The following RTL4 variants were observed in gnomAD, a reference collection of about 807,000 sequenced individuals.
RTL4 encodes retrotransposon Gag like 4.
Under a neutral mutation model 5.3 loss-of-function variants are expected in RTL4, and 4 were observed. The observed-to-expected ratio is 0.75, with a 90% CI of 0.37 to 1.72. RTL4 has a LOEUF of 1.72. RTL4 is among the 40% of genes most tolerant of loss of function. The probability of loss-of-function intolerance (pLI) is 0.04; values close to 1 mark genes in which losing one functional copy is unlikely to be tolerated. For missense variants in RTL4, 260 were observed against 227.1 expected (o/e 1.14, Z -0.93); for synonymous variants, 98 against 87.3 (o/e 1.12, Z -0.68).
chrX:112,439,252 C>T, the RTL4 span, among the ~76,000 whole-genome samples: 1 of 111,538 alleles, frequency 9.0e-6, no homozygotes, highest in Non-Finnish European at 1.9e-5. Context: ...TCAATGGTGA[C>T]AGTAATGGCC....
chrX:112,161,470 C>T, the RTL4 span, among the ~76,000 whole-genome samples: 33 of 111,905 alleles, frequency 2.9e-4, no homozygotes, highest in Non-Finnish European at 3.9e-4. Context: ...TGGCCATCCT[C>T]CCTTCAAAAT....
the RTL4 span, among the ~76,000 whole-genome samples, chrX:112,258,393 G>T: frequency 9.0e-6 from 1 of 111,046 alleles, no homozygotes; most frequent in Non-Finnish European, 1.9e-5. Context: ...CTGGGAAAAT[G>T]AATATGTGGT....
the RTL4 span, among the ~76,000 whole-genome samples, chrX:112,262,771 A>T: frequency 3.6e-4 from 40 of 111,043 alleles, no homozygotes; most frequent in African/African-American, 6.2e-4. Flanking sequence ...ACTATTCACA[A>T]TAGCAAAGAC....
chrX:112,106,088 G>A, the RTL4 span, among the ~76,000 whole-genome samples: 1 of 111,813 alleles, frequency 8.9e-6, no homozygotes, highest in Admixed American at 9.5e-5. Context: ...ATCATGAAAG[G>A]GTTTTGAATT....
At chrX:112,144,157 A>G in the RTL4 span, among the ~76,000 whole-genome samples, 1 of 111,310 alleles carries the variant, frequency 9.0e-6, no homozygotes, top group Non-Finnish European at 1.9e-5. Context: ...TTAATTTGCT[A>G]ACATCTTCTC....
At chrX:112,417,598 C>A in the RTL4 span, among the ~76,000 whole-genome samples, 8 of 111,534 alleles carry the variant, frequency 7.2e-5, no homozygotes. Context: ...ATTGGGACTA[C>A]GTTCCAACAT....
chrX:112,204,562 A>G, the RTL4 span, among the ~76,000 whole-genome samples: 1 of 111,963 alleles, frequency 8.9e-6, no homozygotes, highest in Non-Finnish European at 1.9e-5. Flanking sequence ...GAAATAAGCT[A>G]GGTGCAGAAA....
the RTL4 span, among the ~76,000 whole-genome samples, chrX:112,155,390 T>C: frequency 1.8e-5 from 2 of 111,425 alleles, no homozygotes; most frequent in Non-Finnish European, 3.8e-5. Flanking sequence ...TTTTCAATAC[T>C]CCAAGGAAAA....
chrX:112,292,967 G>A, the RTL4 span, among the ~76,000 whole-genome samples: 1 of 111,908 alleles, frequency 8.9e-6, no homozygotes, highest in Non-Finnish European at 1.9e-5. Flanking sequence ...GTGTAAAGCA[G>A]GCACCTTTGC....
chrX:112,109,478 CTGCTGATTGGTCCATTTTAAGAGAG>C, the RTL4 span, among the ~76,000 whole-genome samples: 2 of 111,611 alleles, frequency 1.8e-5, no homozygotes, highest in Non-Finnish European at 3.8e-5. Flanking sequence ...CACCCACCTC[CTGCTGATTGGTCCATTTTAAGAGAG>C]TGCTGATTGG....
At chrX:112,419,337 C>CTTT in the RTL4 span, among the ~76,000 whole-genome samples, 107 of 24,390 alleles carry the variant, frequency 4.4e-3, 32 homozygotes, top group African/African-American at 6.7e-3. Context: ...TTCCATTCAG[C>CTTT]TTTTTTTTTT....
the RTL4 span, among the ~76,000 whole-genome samples, chrX:112,147,105 T>C: frequency 2.8e-5 from 3 of 108,502 alleles, no homozygotes; most frequent in Non-Finnish European, 5.7e-5. Context: ...TTATTTCCCT[T>C]CTTTGAGGGA....
chrX:112,222,187 C>T, the RTL4 span, among the ~76,000 whole-genome samples: 1 of 111,584 alleles, frequency 9.0e-6, no homozygotes, highest in South Asian at 3.8e-4. Context: ...GATGGGAAGA[C>T]AATTCTCTCC....
the RTL4 span, among the ~76,000 whole-genome samples, chrX:112,382,630 A>G: frequency 8.9e-6 from 1 of 112,561 alleles, no homozygotes; most frequent in Non-Finnish European, 1.9e-5. Context: ...GACTTTGAAT[A>G]GCGTTCTGCT....
the RTL4 span, among the ~76,000 whole-genome samples, chrX:112,191,564 A>T: frequency 1.8e-5 from 2 of 111,893 alleles, no homozygotes; most frequent in Admixed American, 9.5e-5. Context: ...CTTAGGCATT[A>T]AGTATCTTAA....
At chrX:112,349,943 G>A in the RTL4 span, among the ~76,000 whole-genome samples, 1 of 110,402 alleles carries the variant, frequency 9.1e-6, no homozygotes, top group Non-Finnish European at 1.9e-5. Flanking sequence ...CCTTGTGCCA[G>A]TTTTCAAAGG....
the RTL4 span, among the ~76,000 whole-genome samples, chrX:112,399,813 T>C: frequency 1.8e-5 from 2 of 111,781 alleles, no homozygotes; most frequent in African/African-American, 6.5e-5. Context: ...TTTCAGCTTT[T>C]ATATAGCTCA....
the RTL4 span, among the ~76,000 whole-genome samples, chrX:112,413,914 T>C: frequency 9.0e-6 from 1 of 111,215 alleles, no homozygotes; most frequent in East Asian, 2.8e-4. Flanking sequence ...CCTGATGTGA[T>C]CATTACACAT....
the RTL4 span, among the ~76,000 whole-genome samples, chrX:112,198,386 T>C: frequency 9.0e-6 from 1 of 111,401 alleles, no homozygotes; most frequent in Non-Finnish European, 1.9e-5. Context: ...TATAGTAGGC[T>C]CCCAGTAAAC....
Sources: allele counts gnomAD v4.1 joint callset (sites outside exome capture counted in the v4.1 genomes callset), GRCh38; gene constraint gnomAD v4.1.1; transcripts MANE v1.5; gene names NCBI Gene and HGNC (gene_info 2026-07-23, HGNC 2026-07-21).